The following DRC9 variants were observed in gnomAD, a reference collection of about 807,000 sequenced individuals.
DRC9 encodes the protein dynein regulatory complex subunit 9, also known as dynein regulatory complex protein 9.
At chr3:197,907,119 A>G in the DRC9 span, among the ~76,000 whole-genome samples, 1 of 152,252 alleles carries the variant, frequency 6.6e-6, no homozygotes, top group South Asian at 2.1e-4. Context: ...AGCTCATCTC[A>G]ATGACAACAT....
chr3:197,920,453 G>A, the DRC9 span, among the ~76,000 whole-genome samples: 19 of 148,364 alleles, frequency 1.3e-4, no homozygotes, highest in African/African-American at 4.0e-4. Flanking sequence ...AAGGCCAGTC[G>A]TGATGGCTCA....
chr3:197,959,854 C>A, the DRC9 span: 1 of 235,890 alleles, frequency 4.2e-6, no homozygotes, highest in South Asian at 1.0e-4. Context: ...CCTTTTCATA[C>A]AGAGGACTAC....
At chr3:197,913,635 G>A in the DRC9 span, 2 of 596,908 alleles carry the variant, frequency 3.4e-6, no homozygotes, top group Non-Finnish European at 3.0e-6. Context: ...TGACCAAGGA[G>A]AGAAAGTGCA....
the DRC9 span, among the ~76,000 whole-genome samples, chr3:197,946,209 G>A: frequency 6.6e-6 from 1 of 152,066 alleles, no homozygotes; most frequent in Non-Finnish European, 1.5e-5. Context: ...GCCGAGGCAG[G>A]CGGATCACAA....
chr3:197,923,175 G>A, the DRC9 span, among the ~76,000 whole-genome samples: 1 of 152,198 alleles, frequency 6.6e-6, no homozygotes, highest in South Asian at 2.1e-4. Flanking sequence ...CTGCAGTGCA[G>A]TGGGGAGACC....
At chr3:197,934,954 G>C in the DRC9 span, among the ~76,000 whole-genome samples, 1 of 152,024 alleles carries the variant, frequency 6.6e-6, no homozygotes, top group African/African-American at 2.4e-5. Context: ...CTGAGTGACA[G>C]AGTGAGACCC....
At chr3:197,930,734 C>T in the DRC9 span, among the ~76,000 whole-genome samples, 1 of 112,124 alleles carries the variant, frequency 8.9e-6, no homozygotes, top group Non-Finnish European at 1.7e-5. Context: ...GACTCAGTCT[C>T]AGAAAAAAAA....
the DRC9 span, among the ~76,000 whole-genome samples, chr3:197,947,026 G>C: frequency 2.0e-5 from 3 of 152,100 alleles, no homozygotes; most frequent in African/African-American, 7.2e-5. Flanking sequence ...GGCCAGGCTG[G>C]TCTCGAACTC....
At chr3:197,914,942 C>G in the DRC9 span, among the ~76,000 whole-genome samples, 1 of 151,684 alleles carries the variant, frequency 6.6e-6, no homozygotes. Flanking sequence ...GGCATGGCGA[C>G]CAGCTGAGGT....
chr3:197,895,468 C>T, the DRC9 span, among the ~76,000 whole-genome samples: 40 of 152,058 alleles, frequency 2.6e-4, no homozygotes, highest in African/African-American at 9.7e-4. Context: ...GATGGGGTCT[C>T]ATTATGTTGC....
At chr3:197,896,988 C>G in the DRC9 span, among the ~76,000 whole-genome samples, 1 of 152,230 alleles carries the variant, frequency 6.6e-6, no homozygotes, top group South Asian at 2.1e-4. Context: ...GACACTGAAC[C>G]GAACCATGTC....
At chr3:197,903,131 G>A in the DRC9 span, among the ~76,000 whole-genome samples, 1 of 152,154 alleles carries the variant, frequency 6.6e-6, no homozygotes, top group Admixed American at 6.5e-5. Context: ...TCCATATGCA[G>A]AAGAATGAAA....
the DRC9 span, among the ~76,000 whole-genome samples, chr3:197,948,941 C>T: frequency 1.3e-5 from 2 of 152,204 alleles, no homozygotes; most frequent in Non-Finnish European, 2.9e-5. Context: ...CCTTCACTTT[C>T]AACACAGTGA....
At chr3:197,946,301 G>A in the DRC9 span, among the ~76,000 whole-genome samples, 6 of 151,862 alleles carry the variant, frequency 4.0e-5, no homozygotes, top group African/African-American at 7.3e-5. Context: ...CGGGCGTGGT[G>A]GCGGGTGCCT....
chr3:197,933,114 C>T, the DRC9 span, among the ~76,000 whole-genome samples: 2 of 130,982 alleles, frequency 1.5e-5, no homozygotes, highest in South Asian at 4.6e-4. Context: ...ATATAAAATA[C>T]ATATATTATA....
At chr3:197,943,025 G>C in the DRC9 span, among the ~76,000 whole-genome samples, 1 of 151,606 alleles carries the variant, frequency 6.6e-6, no homozygotes, top group Non-Finnish European at 1.5e-5. Context: ...AAATGTACAA[G>C]AGCTTAAAAA....
the DRC9 span, among the ~76,000 whole-genome samples, chr3:197,946,830 CT>C: frequency 2.6e-5 from 4 of 151,198 alleles, no homozygotes; most frequent in African/African-American, 9.7e-5. Context: ...TTTTTCTTTT[CT>C]TTTTTTTTGA....
chr3:197,907,036 T>C, the DRC9 span, among the ~76,000 whole-genome samples: 2 of 152,180 alleles, frequency 1.3e-5, no homozygotes, highest in African/African-American at 4.8e-5. Flanking sequence ...TGTGCCCACC[T>C]TATCTCTGAC....
the DRC9 span, among the ~76,000 whole-genome samples, chr3:197,890,720 C>G: frequency 8.0e-4 from 122 of 152,278 alleles, no homozygotes; most frequent in African/African-American, 2.9e-3. Flanking sequence ...GGGGAAACAC[C>G]ATTGAAACTT....
Sources: allele counts gnomAD v4.1 joint callset (sites outside exome capture counted in the v4.1 genomes callset), GRCh38; gene constraint gnomAD v4.1.1; transcripts MANE v1.5; gene names NCBI Gene and HGNC (gene_info 2026-07-23, HGNC 2026-07-21).